The following ZNF480 variants were observed in gnomAD, a reference collection of about 807,000 sequenced individuals.
ZNF480 encodes zinc finger protein 480.
In ZNF480, 15 loss-of-function variants were observed where a neutral mutation model predicts 14.4. The observed-to-expected ratio is 1.04, with a 90% CI of 0.70 to 1.60. The LOEUF (loss-of-function observed/expected upper bound fraction) is 1.60. Ranked by LOEUF, ZNF480 falls within the 40% of genes most tolerant of loss-of-function variation. The pLI, the probability that ZNF480 is intolerant of heterozygous loss-of-function variation, is 0.00. For missense variants in ZNF480, 593 were observed against 629.7 expected (o/e 0.94, Z 0.62); for synonymous variants, 218 against 215.5 (o/e 1.01, Z -0.10).
At chr19:52,315,763 C>T in intron 3 of ZNF480, 71 bp from the exon 4 acceptor site, 2 of 1,522,806 alleles carry the variant, frequency 1.3e-6, no homozygotes. Flanking sequence ...GATATCCTGT[C>T]TCCTTCCTAC....
chr19:52,322,647 A>T lies in ZNF480; in HGVS notation c.1397A>T (p.His466Leu). 2 of 1,613,986 alleles carry T rather than the reference A, an allele frequency of 1.2e-6. No individual in the cohort carries two copies. The highest frequency in any genetic ancestry group is 1.7e-6 in the Non-Finnish European group (2 of 1,179,928). Residue 466 changes from histidine to leucine, a missense_variant, in exon 5 of 5, where the codon CAC becomes CTC. His to Leu is a moderately conservative substitution (Grantham distance 99, BLOSUM62 -3). Coordinates refer to ENST00000595962, the MANE Select transcript of ZNF480 (RefSeq NM_144684.4). ...KCSECGKAFRHKLSLTNHQRI... is the reference protein window; with the variant it reads ...KCSECGKAFRLKLSLTNHQRI... ...AGTGAATGTGGCAAGGCATTCAGAC[A>T]CAAGTTATCACTAACCAATCATCAG...
intron 2 of ZNF480, among the ~76,000 whole-genome samples, chr19:52,302,896 G>A (rs1007619293): frequency 6.6e-6 from 1 of 152,198 alleles, no homozygotes; most frequent in Non-Finnish European, 1.5e-5. Flanking sequence ...GCAACTAGGC[G>A]ATCAGCCATT....
At chr19:52,313,335 A>C (rs1242278078) in intron 2 of ZNF480, among the ~76,000 whole-genome samples, 1 of 150,706 alleles carries the variant, frequency 6.6e-6, no homozygotes, top group African/African-American at 2.4e-5. Context: ...ACGGGGTTTC[A>C]CCATGTTGGC....
chr19:52,307,582 TA>T (rs1367865623), intron 2 of ZNF480: 1 of 152,214 alleles, frequency 6.6e-6, no homozygotes, highest in Non-Finnish European at 1.5e-5. Flanking sequence ...GAATAGACTG[TA>T]AAGTGTGATC....
At chr19:52,302,434 A>G (rs535905664) in intron 2 of ZNF480, among the ~76,000 whole-genome samples, 22 of 152,310 alleles carry the variant, frequency 1.4e-4, no homozygotes, top group Admixed American at 9.8e-4. Flanking sequence ...TGTGAATTAT[A>G]TGGGATGCCA....
chr19:52,307,739 G>A (rs10406835), intron 2 of ZNF480, among the ~76,000 whole-genome samples: 3,767 of 152,242 alleles, frequency 0.025, 120 homozygotes, highest in African/African-American at 0.069. Flanking sequence ...TTCTTAGCAA[G>A]GATTAGAGAA....
At chr19:52,313,602 G>C (rs1238889302) in intron 2 of ZNF480, among the ~76,000 whole-genome samples, 1 of 152,070 alleles carries the variant, frequency 6.6e-6, no homozygotes, top group Admixed American at 6.6e-5. Flanking sequence ...AGATAACCAT[G>C]GGTTAATTTT....
Position 52,324,862 on chromosome 19 carries a change from A to G in ZNF480, c.*2004A>G, listed in dbSNP as rs1984017829. 1 of 152,220 alleles carries G rather than the reference A, an allele frequency of 6.6e-6. No homozygotes were observed. Among genetic ancestry groups the G allele is most frequent in the Non-Finnish European group, 1.5e-5 (1 of 68,040 alleles). 9.4% of individuals were successfully genotyped at this position (152,220 alleles called of 1,614,324 possible). On this transcript the variant is annotated 3_prime_UTR_variant, in exon 5 of 5. Coordinates refer to ENST00000595962, the MANE Select transcript of ZNF480 (RefSeq NM_144684.4). ...AAACCCAGGAAATGCCATTCTGGAC[A>G]TAAGTGCTGGAAAAGACTTAATGAT...
In ZNF480 at chr19:52,300,486, T is replaced by C; in HGVS notation, c.72+2T>C. The C allele has an allele frequency of 6.2e-7, 1 of 1,611,644 alleles. No individual in the cohort carries two copies. Among genetic ancestry groups the C allele is most frequent in the South Asian group, 1.1e-5 (1 of 91,076 alleles). On this transcript the variant is annotated splice_donor_variant, in intron 2 of 4. Coordinates refer to ENST00000595962, the MANE Select transcript of ZNF480 (RefSeq NM_144684.4). LOFTEE classifies it high-confidence loss of function. ...GAGTCAGGGATGGCTCTTCCTCAGG[T>C]GAGATGATATTCTCGGTGGATTGTT...
At chr19:52,308,558 C>G (rs934332764) in intron 2 of ZNF480, 7 of 152,194 alleles carry the variant, frequency 4.6e-5, no homozygotes, top group African/African-American at 1.7e-4. Flanking sequence ...CCACCCACCT[C>G]AGCTTCCCAA....
intron 2 of ZNF480, among the ~76,000 whole-genome samples, chr19:52,302,845 G>T (rs943083210): frequency 3.3e-5 from 5 of 152,204 alleles, no homozygotes; most frequent in African/African-American, 1.2e-4. Flanking sequence ...GCATTAACAT[G>T]GGTTAAATTG....
chr19:52,298,390 T>C (rs1399904469), intron 1 of ZNF480, among the ~76,000 whole-genome samples: 1 of 152,268 alleles, frequency 6.6e-6, no homozygotes, highest in South Asian at 2.1e-4. Context: ...CCCAGCACTT[T>C]GGGAGGCCAA....
In ZNF480 at chr19:52,322,405, C is replaced by T; in HGVS notation, c.1155C>T (p.His385=). Residue 385 remains histidine (H), a synonymous_variant, in exon 5 of 5, where the codon CAC becomes CAT. Coordinates refer to ENST00000595962, the MANE Select transcript of ZNF480 (RefSeq NM_144684.4). ...ECGKVFIQNS[H]LAQHWRIHTG... ...GAAAGGTCTTTATTCAAAATTCGCA[C>T]CTAGCACAACATTGGAGAATTCATA... 6.2e-7 allele frequency: 1 copy of T among 1,613,884 alleles called. No homozygotes were observed. The highest frequency in any genetic ancestry group is 1.6e-4 in the Middle Eastern group (1 of 6,062).
chr19:52,304,285 T>A (rs1451541488), intron 2 of ZNF480, among the ~76,000 whole-genome samples: 1 of 152,172 alleles, frequency 6.6e-6, no homozygotes, highest in Non-Finnish European at 1.5e-5. Context: ...AAAGGCCAAT[T>A]TTTTAGAATC....
intron 3 of ZNF480, among the ~76,000 whole-genome samples, chr19:52,315,174 C>T (rs1044431781): frequency 6.6e-6 from 1 of 152,066 alleles, no homozygotes; most frequent in Non-Finnish European, 1.5e-5. Context: ...GTCTCAAAGT[C>T]CTGGGCTCAA....
chr19:52,303,752 G>T (rs1982801208), intron 2 of ZNF480, among the ~76,000 whole-genome samples: 1 of 152,178 alleles, frequency 6.6e-6, no homozygotes, highest in Non-Finnish European at 1.5e-5. Flanking sequence ...TTTAAGGATA[G>T]AAAATAGATT....
intron 4 of ZNF480, 116 bp downstream of exon 4, chr19:52,316,078 A>T: frequency 8.8e-7 from 1 of 1,130,082 alleles, no homozygotes; most frequent in South Asian, 2.6e-5. Context: ...TGTTTTTGAG[A>T]TGGAGTTTCA....
rs1412104726 is a variant in ZNF480 at position 52,323,919 on chromosome 19, G to A, written c.*1061G>A. The A allele has an allele frequency of 5.3e-5, 8 of 151,996 alleles. No homozygotes were observed. Among genetic ancestry groups the A allele is most frequent in the African/African-American group, 9.7e-5 (4 of 41,398 alleles). The allele number at this position is 151,996 out of a possible 1,614,324, so 9.4% of individuals were successfully genotyped here. The stretch of plus-strand genomic sequence containing the variant: ...CAGGGATGACCACTCTCACCACTCC[G>A]ATTCAACATAGTACTGGAAGTCCTA... On this transcript the variant is annotated 3_prime_UTR_variant, in exon 5 of 5. Transcript: ENST00000595962.
chr19:52,309,493 C>T lies in ZNF480; in HGVS notation c.73-4660C>T, dbSNP rs146880646. Among the ~76,000 whole-genome samples, 40 of 152,338 alleles carry T rather than the reference C, an allele frequency of 2.6e-4. No individual in the cohort carries two copies. In the East Asian group the frequency reaches 7.5e-3, roughly 29 times the overall value. On this transcript the variant is annotated intron_variant, in intron 2 of 4. Coordinates refer to ENST00000595962, the MANE Select transcript of ZNF480 (RefSeq NM_144684.4). ...GCCTTTGTTCTCAGTGGCTTCCTGACCTGGGGCCCTGTTACTTCAATGCTT... is the reference window on the plus strand; with the variant it reads ...GCCTTTGTTCTCAGTGGCTTCCTGATCTGGGGCCCTGTTACTTCAATGCTT...
Sources: gnomAD v4.1 joint callset for allele counts (sites outside exome capture counted in the v4.1 genomes callset) on GRCh38, gnomAD v4.1.1 for gene constraint, MANE v1.5 for transcripts, NCBI Gene and HGNC (gene_info 2026-07-23, HGNC 2026-07-21) for gene names.